Variants in STAG1 observed in about 807,000 individuals in gnomAD.
The protein encoded by STAG1 is STAG1 cohesin complex component.
Under a neutral mutation model 170.9 loss-of-function variants are expected in STAG1, and 26 were observed. That is an observed-to-expected ratio of 0.15 (90% CI 0.11 to 0.21). STAG1 has a LOEUF of 0.21. Ranked by LOEUF, STAG1 falls within the 10% of genes least tolerant of loss-of-function variation. The pLI is 1.00. For missense variants in STAG1, 964 were observed against 1,509.5 expected, an observed-to-expected ratio of 0.64 and a Z score of 5.99; for synonymous variants, 514 against 497.7, an observed-to-expected ratio of 1.03 and a Z score of -0.44.
At chr3:136,680,699 T>C (rs1211132740) in intron 1 of STAG1, among the ~76,000 whole-genome samples, 1 of 151,732 alleles carries the variant, frequency 6.6e-6, no homozygotes. Context: ...ATGAAAGATT[T>C]ACACTTACAC....
rs1437410168 is a variant in STAG1, at chr3:136,338,045, C to G, written c.*209G>C. The G allele has an allele frequency of 1.8e-6, 1 of 540,678 alleles. No homozygotes were observed. The highest frequency in any genetic ancestry group is 3.3e-6 in the Non-Finnish European group (1 of 301,932). The allele number at this position is 540,678 out of a possible 1,614,324, so 33.5% of individuals were successfully genotyped here. On this transcript the variant is annotated 3_prime_UTR_variant, in exon 34 of 34. Transcript: ENST00000383202. ...AGTAGGACACAAATGATTTTCAGGT[C>G]AGTCTTTCTGAGTTGACATTCACCA... is the stretch of plus-strand genomic sequence containing the variant.
At chr3:136,684,176 G>A (rs902454513) in intron 1 of STAG1, among the ~76,000 whole-genome samples, 3 of 152,292 alleles carry the variant, frequency 2.0e-5, no homozygotes, top group Admixed American at 6.5e-5. Context: ...CTAACAAAGC[G>A]ATTCTGGTTT....
In STAG1 at chr3:136,572,992, A is replaced by C. The variant is rs80278937; in HGVS notation, c.298-4131T>G. On this transcript the variant is annotated intron_variant, in intron 4 of 33. Transcript: ENST00000383202. ...GGAGTTCGAGAGCAGCCTAGGCAACACAGTGATACCCTCACTCTACAAAAC... is the reference window on the plus strand; with the variant it reads ...GGAGTTCGAGAGCAGCCTAGGCAACCCAGTGATACCCTCACTCTACAAAAC... Among the ~76,000 whole-genome samples, 23 of 152,280 alleles carry C rather than the reference A, an allele frequency of 1.5e-4. No homozygotes were observed. The East Asian group carries it at 2.3e-3, about 15-fold the overall frequency.
chr3:136,596,406 C>T (rs572636461), intron 4 of STAG1, among the ~76,000 whole-genome samples: 11 of 152,120 alleles, frequency 7.2e-5, no homozygotes, highest in South Asian at 2.1e-4. Context: ...AATTAAGGTA[C>T]GTACATTGGT....
chr3:136,372,809 C>CT (rs1410706001), intron 23 of STAG1, among the ~76,000 whole-genome samples: 4 of 152,116 alleles, frequency 2.6e-5, no homozygotes, highest in East Asian at 1.9e-4. Flanking sequence ...CTAAAATTCT[C>CT]TTTTTTTGTT....
chr3:136,486,428 A>G (rs1203455839), intron 9 of STAG1, among the ~76,000 whole-genome samples: 2 of 152,210 alleles, frequency 1.3e-5, no homozygotes, highest in Non-Finnish European at 1.5e-5. Context: ...AGCAAAAATA[A>G]AACTCCCCTC....
At chr3:136,508,870 C>T (rs929057307) in intron 7 of STAG1, among the ~76,000 whole-genome samples, 1 of 151,994 alleles carries the variant, frequency 6.6e-6, no homozygotes, top group Non-Finnish European at 1.5e-5. Context: ...GTGTGTGTGT[C>T]TGTGTGCGCG....
chr3:136,692,645 A>G (rs1162204822), intron 1 of STAG1, among the ~76,000 whole-genome samples: 2 of 152,186 alleles, frequency 1.3e-5, no homozygotes, highest in African/African-American at 2.4e-5. Context: ...AAAAAAAAAA[A>G]AGTCAATTAC....
At chr3:136,556,740 G>C (rs6774964) in intron 5 of STAG1, among the ~76,000 whole-genome samples, 1 of 151,310 alleles carries the variant, frequency 6.6e-6, no homozygotes, top group Admixed American at 6.6e-5. Flanking sequence ...ACACCACCAC[G>C]CCCCACTAAT....
chr3:136,403,707 A>C (rs1486011058), intron 21 of STAG1, among the ~76,000 whole-genome samples: 1 of 152,194 alleles, frequency 6.6e-6, no homozygotes, highest in African/African-American at 2.4e-5. Context: ...CTCATTATAA[A>C]TATCACTTCC....
In STAG1 at chr3:136,479,250, CCA is replaced by C. The variant is rs925083627; in HGVS notation, c.903-1840_903-1839del. 3.5e-4 allele frequency among the ~76,000 whole-genome samples: 43 copies of C among 124,144 alleles called. 1 individual carries two copies. The highest frequency in any genetic ancestry group is 3.9e-3 in the Middle Eastern group (1 of 256). 81.4% of individuals were successfully genotyped at this position (124,144 alleles called of 152,430 possible). A position where few individuals can be genotyped will look rare whatever the true frequency, so the allele number is the denominator to read the frequency against. On this transcript the variant is annotated intron_variant, in intron 9 of 33. Transcript: ENST00000383202. ...CCCTCCCCTGACCCCACCACCGTCC[CCA>C]GAGTGTGATATTCCCCTTCCTGTGT...
chr3:136,673,846 T>TA (rs1942047052), intron 1 of STAG1, among the ~76,000 whole-genome samples: 1 of 152,046 alleles, frequency 6.6e-6, no homozygotes, highest in South Asian at 2.1e-4. Context: ...CTCACACCTG[T>TA]AATCCCAGCA....
chr3:136,455,667 A>G (rs2089090113), intron 13 of STAG1, among the ~76,000 whole-genome samples: 1 of 152,218 alleles, frequency 6.6e-6, no homozygotes, highest in Non-Finnish European at 1.5e-5. Flanking sequence ...TGCCATGTTG[A>G]AGGGAGTGGC....
intron 1 of STAG1, among the ~76,000 whole-genome samples, chr3:136,678,294 G>A (rs1032304517): frequency 2.0e-5 from 3 of 150,980 alleles, no homozygotes; most frequent in African/African-American, 7.3e-5. Flanking sequence ...GACTGTCACA[G>A]AAAATAAATC....
At chr3:136,567,670 G>C (rs1435506866) in intron 5 of STAG1, among the ~76,000 whole-genome samples, 3 of 152,122 alleles carry the variant, frequency 2.0e-5, no homozygotes, top group Non-Finnish European at 2.9e-5. Context: ...TCTCAATCTT[G>C]AGTTTCACAC....
At chr3:136,618,956 G>C (rs1433786636) in intron 3 of STAG1, among the ~76,000 whole-genome samples, 1 of 151,944 alleles carries the variant, frequency 6.6e-6, no homozygotes, top group Non-Finnish European at 1.5e-5. Context: ...CTCCAAAACA[G>C]TTCAAAACTA....
intron 22 of STAG1, among the ~76,000 whole-genome samples, chr3:136,386,686 C>T (rs1271257861): frequency 1.3e-5 from 2 of 152,220 alleles, no homozygotes; most frequent in East Asian, 1.9e-4. Context: ...CACACCACTA[C>T]ACCTAGCTAA....
At chr3:136,591,342 A>AGAAGGAAG (rs1169106867) in intron 4 of STAG1, 3 of 154,380 alleles carry the variant, frequency 1.9e-5, no homozygotes, top group Non-Finnish European at 2.9e-5. Context: ...AAGGAGGGAA[A>AGAAGGAAG]GAAGGAAGGA....
chr3:136,550,707 T>C (rs1418067563), intron 5 of STAG1, among the ~76,000 whole-genome samples: 1 of 150,808 alleles, frequency 6.6e-6, no homozygotes, highest in Admixed American at 6.6e-5. Flanking sequence ...GTAGAGTCGT[T>C]CCTTGTAGTC....
Sources: allele counts gnomAD v4.1 joint callset (sites outside exome capture counted in the v4.1 genomes callset), GRCh38; gene constraint gnomAD v4.1.1; transcripts MANE v1.5; gene names NCBI Gene and HGNC (gene_info 2026-07-23, HGNC 2026-07-21).